AGO3: variants seen among roughly 807,000 people sequenced by gnomAD.
AGO3 encodes protein argonaute-3.
A neutral mutation model predicts 105.5 loss-of-function variants in AGO3; 16 were observed. That is an observed-to-expected ratio of 0.15 (90% CI 0.10 to 0.23). The LOEUF (loss-of-function observed/expected upper bound fraction) is 0.23, where lower values mean the gene tolerates loss of function less well. AGO3 is among the 10% of genes least tolerant of loss of function. AGO3 has a pLI of 1.00. For missense variants in AGO3, 534 were observed against 1,088.0 expected (o/e 0.49, Z 7.16); for synonymous variants, 340 against 367.3 (o/e 0.93, Z 0.85).
At chr1:35,979,474 GAT>G (rs140928722) in intron 5 of AGO3, among the ~76,000 whole-genome samples, 10,225 of 152,118 alleles carry the variant, frequency 0.067, 401 homozygotes, top group South Asian at 0.15. Flanking sequence ...ATGAAAATAA[GAT>G]ATATTCATAT....
intron 13 of AGO3, 81 bp from the exon 14 acceptor site, chr1:36,036,096 A>G: frequency 7.5e-7 from 1 of 1,339,710 alleles, no homozygotes; most frequent in Non-Finnish European, 1.1e-6. Context: ...AATAACTTGA[A>G]GTTACGTTGC....
rs79741747 is a variant in AGO3, at chr1:36,028,349, A to G, written c.1591+1051A>G. On this transcript the variant is annotated intron_variant, in intron 12 of 18. Coordinates refer to ENST00000373191, the MANE Select transcript of AGO3 (RefSeq NM_024852.4). ...GCCATGCTGGTGCGCTGCACACACT[A>G]ACTCGTTATCTAGCATTAGATGTAT... Among the ~76,000 whole-genome samples, 72 of 149,466 alleles carry G rather than the reference A, an allele frequency of 4.8e-4. 1 individual carries two copies. The highest frequency in any genetic ancestry group is 8.7e-4 in the Non-Finnish European group (59 of 67,432).
chr1:35,980,177 A>T (rs535914129), intron 5 of AGO3, among the ~76,000 whole-genome samples: 1 of 152,190 alleles, frequency 6.6e-6, no homozygotes, highest in Non-Finnish European at 1.5e-5. Flanking sequence ...CAATTACATT[A>T]GCTTTATTCT....
chr1:36,038,058 T>G (rs915046275), intron 14 of AGO3, among the ~76,000 whole-genome samples: 3 of 152,122 alleles, frequency 2.0e-5, no homozygotes, highest in African/African-American at 4.8e-5. Flanking sequence ...TGTGAGAAAC[T>G]AAGTAAGTAA....
At chr1:35,933,084 T>C (rs1334012818) in intron 1 of AGO3, among the ~76,000 whole-genome samples, 2 of 152,196 alleles carry the variant, frequency 1.3e-5, no homozygotes, top group East Asian at 1.9e-4. Flanking sequence ...GGTGTCCCAT[T>C]GCTGAAATGG....
intron 14 of AGO3, among the ~76,000 whole-genome samples, chr1:36,037,676 G>T (rs1642071807): frequency 6.6e-6 from 1 of 151,822 alleles, no homozygotes; most frequent in South Asian, 2.1e-4. Flanking sequence ...CATTAGTAAA[G>T]GAAATTAATT....
intron 11 of AGO3, among the ~76,000 whole-genome samples, chr1:36,018,720 C>T (rs906725720): frequency 6.6e-6 from 1 of 152,132 alleles, no homozygotes; most frequent in African/African-American, 2.4e-5. Context: ...CATGAGCCAC[C>T]ACACCTGGCC....
Position 36,072,157 on chromosome 1 carries a change from C to T in AGO3, c.*16412C>T, listed in dbSNP as rs564948032. 8.5e-5 allele frequency: 13 copies of T among 152,226 alleles called. No homozygotes were observed. In the South Asian group the frequency reaches 1.9e-3, roughly 22 times the overall value. The allele number at this position is 152,226 out of a possible 1,614,324, so 9.4% of individuals were successfully genotyped here. A position where few individuals can be genotyped will look rare whatever the true frequency, so the allele number is the denominator to read the frequency against. ...CTTCCCCACAGAAATTATTATACTA[C>T]GAACAAGTTATGAGTGAGACTGAGA... On this transcript the variant is annotated 3_prime_UTR_variant, in exon 19 of 19. Coordinates refer to ENST00000373191, the MANE Select transcript of AGO3 (RefSeq NM_024852.4).
chr1:36,027,643 G>A lies in AGO3; in HGVS notation c.1591+345G>A, dbSNP rs937565886. ...AAATACAAAAAATTAGCTGGGCGTG[G>A]TGGTGGGCGCCTGTGGTCCCAGCCA... On this transcript the variant is annotated intron_variant, in intron 12 of 18. Transcript: ENST00000373191. The surrounding 1 kb of genome is among the most constrained non-coding windows in gnomAD (Gnocchi z 4.0). Among the ~76,000 whole-genome samples, 12 of 152,122 alleles carry A rather than the reference G, an allele frequency of 7.9e-5. No homozygotes were observed. Among genetic ancestry groups the A allele is most frequent in the African/African-American group, 1.9e-4 (8 of 41,420 alleles).
chr1:35,982,154 G>T (rs1422691733), intron 5 of AGO3, among the ~76,000 whole-genome samples: 2 of 152,190 alleles, frequency 1.3e-5, no homozygotes, highest in African/African-American at 2.4e-5. Flanking sequence ...TAGGCTGGGT[G>T]TGGTAGCTCA....
Position 36,005,495 on chromosome 1 carries a change from A to T in AGO3, c.793+1020A>T, listed in dbSNP as rs372234634. On this transcript the variant is annotated intron_variant, in intron 6 of 18. Transcript: ENST00000373191. ...TAAATGCCAAAGTAAGAAACTGTTTATGTAACTGTTTTGCAACCATACCAT... is the reference window on the plus strand; with the variant it reads ...TAAATGCCAAAGTAAGAAACTGTTTTTGTAACTGTTTTGCAACCATACCAT... 1.1e-4 allele frequency among the ~76,000 whole-genome samples: 17 copies of T among 152,342 alleles called. No homozygotes were observed. In the East Asian group the frequency reaches 1.5e-3, roughly 14 times the overall value.
Position 36,054,970 on chromosome 1 carries a change from C to A in AGO3, c.2299C>A (p.His767Asn). Reference protein sequence around the residue: ...IQGTSRPSHYHVLWDDNCFTA... With the variant: ...IQGTSRPSHYNVLWDDNCFTA... ...GGGTACCAGTCGTCCTTCACACTAT[C>A]ATGTTTTATGGGATGATAACTGCTT... is the stretch of plus-strand genomic sequence containing the variant. Residue 767 changes from histidine to asparagine, a missense_variant, in exon 18 of 19, where the codon CAT (histidine) becomes AAT (asparagine). This residue lies in a region of AGO3 where 373 missense variants were observed against 854.0 expected (regional missense o/e 0.44). Coordinates refer to ENST00000373191, the MANE Select transcript of AGO3 (RefSeq NM_024852.4). The A allele has an allele frequency of 6.2e-7, 1 of 1,614,146 alleles. No individual in the cohort carries two copies. Among genetic ancestry groups the A allele is most frequent in the Non-Finnish European group, 8.5e-7 (1 of 1,180,014 alleles).
chr1:36,034,985 A>G (rs1396647580), intron 13 of AGO3, among the ~76,000 whole-genome samples: 30 of 152,226 alleles, frequency 2.0e-4, no homozygotes, highest in Admixed American at 2.0e-3. Context: ...GGAAGAGGTC[A>G]TTTTTCAGAG....
rs146948269 is a variant in AGO3, at chr1:36,032,671, C to A, written c.1592-1503C>A. ...CTGGGATTACAGGTGTGAGACATTGCACCCATTTTTCTATGTTTTTTATAT... is the reference window on the plus strand; with the variant it reads ...CTGGGATTACAGGTGTGAGACATTGAACCCATTTTTCTATGTTTTTTATAT... On this transcript the variant is annotated intron_variant, in intron 12 of 18. Coordinates refer to ENST00000373191, the MANE Select transcript of AGO3 (RefSeq NM_024852.4). Among the ~76,000 whole-genome samples, 68 of 151,704 alleles carry A rather than the reference C, an allele frequency of 4.5e-4. No homozygotes were observed. In the East Asian group the frequency reaches 0.012, roughly 27 times the overall value.
intron 2 of AGO3, among the ~76,000 whole-genome samples, chr1:35,961,896 G>C (rs936528389): frequency 6.6e-6 from 1 of 152,110 alleles, no homozygotes; most frequent in Non-Finnish European, 1.5e-5. Context: ...GGTAAGTTGA[G>C]ATTCTCTAAT....
At position 36,008,882 on chromosome 1, in the gene AGO3, C is replaced by CA; in HGVS notation, c.882-15_882-14insA. The CA allele has an allele frequency of 6.2e-7, 1 of 1,613,762 alleles. No homozygotes were observed. The highest frequency in any genetic ancestry group is 8.5e-7 in the Non-Finnish European group (1 of 1,179,950). ...AATGGGCAAGAATTGTTCATGTGTA[C>CA]TTTTTTTTCCTCAGCTTTCCTTTAC... On this transcript the variant is annotated splice_polypyrimidine_tract_variant and intron_variant, in intron 7 of 18. Transcript: ENST00000373191. This position sits in a 1 kb window ranked among gnomAD's most constrained non-coding sequence, Gnocchi z 5.1.
chr1:36,044,794 C>G (rs551378157), intron 17 of AGO3, among the ~76,000 whole-genome samples: 6 of 152,100 alleles, frequency 3.9e-5, no homozygotes, highest in Non-Finnish European at 5.9e-5. Context: ...TCCAGAAAAC[C>G]TTTTCATTAA....
At chr1:36,018,632 C>A (rs1187766555) in intron 11 of AGO3, among the ~76,000 whole-genome samples, 4 of 151,986 alleles carry the variant, frequency 2.6e-5, no homozygotes, top group African/African-American at 9.7e-5. Context: ...GGGGTTTCAC[C>A]ATGTTGGCCA....
At chr1:35,996,441 G>GA (rs995422916) in intron 5 of AGO3, among the ~76,000 whole-genome samples, 3 of 151,652 alleles carry the variant, frequency 2.0e-5, no homozygotes, top group Non-Finnish European at 2.9e-5. Flanking sequence ...GTAAGAAATA[G>GA]AAAAAAAGTA....
Sources: allele counts gnomAD v4.1 joint callset (sites outside exome capture counted in the v4.1 genomes callset), GRCh38; gene constraint gnomAD v4.1.1; regional missense constraint gnomAD v4.1.1; non-coding constraint Gnocchi (gnomAD v3.1); transcripts MANE v1.5; gene names NCBI Gene and HGNC (gene_info 2026-07-23, HGNC 2026-07-21).